PRKAG2: variants seen among roughly 807,000 people sequenced by gnomAD.
PRKAG2 encodes the protein 5'-AMP-activated protein kinase subunit gamma-2.
PRKAG2 carries 26 observed loss-of-function variants against 69.6 expected under a neutral mutation model. That is an observed-to-expected ratio of 0.37 (90% confidence interval 0.27 to 0.52). PRKAG2 has a LOEUF of 0.52. PRKAG2 is among the 20% of genes least tolerant of loss of function. The pLI is 0.90. For missense variants in PRKAG2, 557 were observed against 740.0 expected, an observed-to-expected ratio of 0.75 and a Z score of 2.87; for synonymous variants, 293 against 285.0, an observed-to-expected ratio of 1.03 and a Z score of -0.28.
intron 1 of PRKAG2, among the ~76,000 whole-genome samples, chr7:151,816,324 CTG>C (rs750060838): frequency 3.9e-5 from 6 of 152,112 alleles, no homozygotes; most frequent in Non-Finnish European, 5.9e-5. Flanking sequence ...TAAGCGGAAA[CTG>C]TTTTTTGTTT....
At chr7:151,754,855 C>T (rs2074969947) in intron 3 of PRKAG2, among the ~76,000 whole-genome samples, 1 of 152,128 alleles carries the variant, frequency 6.6e-6, no homozygotes, top group Non-Finnish European at 1.5e-5. Context: ...GCCTCCCTTC[C>T]TTCCGAAGGC....
At chr7:151,664,444 G>A (rs1830743986) in intron 4 of PRKAG2, among the ~76,000 whole-genome samples, 1 of 151,954 alleles carries the variant, frequency 6.6e-6, no homozygotes, top group African/African-American at 2.4e-5. Flanking sequence ...TCCCTGCCTG[G>A]GTCCCCCTCC....
intron 3 of PRKAG2, among the ~76,000 whole-genome samples, chr7:151,744,038 G>T (rs1008900116): frequency 6.6e-6 from 1 of 152,188 alleles, no homozygotes; most frequent in Non-Finnish European, 1.5e-5. Flanking sequence ...AGAGGTCAGG[G>T]GAACTGCAGA....
chr7:151,575,305 G>A (rs1042185021), intron 7 of PRKAG2, among the ~76,000 whole-genome samples: 2 of 152,178 alleles, frequency 1.3e-5, no homozygotes, highest in Admixed American at 1.3e-4. Flanking sequence ...CTTTAGAAAC[G>A]TGACAATTCT....
chr7:151,625,939 A>G (rs1822776537), intron 5 of PRKAG2, among the ~76,000 whole-genome samples: 1 of 152,138 alleles, frequency 6.6e-6, no homozygotes. Flanking sequence ...GGGGAATCGT[A>G]TGGGATGTGA....
At chr7:151,778,982 C>A (rs1043950336) in intron 3 of PRKAG2, among the ~76,000 whole-genome samples, 4 of 150,018 alleles carry the variant, frequency 2.7e-5, no homozygotes, top group Non-Finnish European at 4.4e-5. Context: ...ACACACACAC[C>A]CATATATGCT....
At chr7:151,790,528 C>T (rs1451430157) in intron 1 of PRKAG2, 1 of 152,218 alleles carries the variant, frequency 6.6e-6, no homozygotes. Context: ...ATACTGTACC[C>T]GGCAGGCAGC....
intron 1 of PRKAG2, among the ~76,000 whole-genome samples, chr7:151,832,166 C>A (rs947770753): frequency 1.1e-4 from 17 of 150,528 alleles, no homozygotes; most frequent in African/African-American, 4.1e-4. Flanking sequence ...ATTGAATTTC[C>A]CCCCAACCCA....
chr7:151,784,419 C>T (rs1229393110), intron 2 of PRKAG2, among the ~76,000 whole-genome samples: 2 of 152,136 alleles, frequency 1.3e-5, no homozygotes, highest in South Asian at 2.1e-4. Flanking sequence ...CCCACAAGGC[C>T]GAAGCACCAT....
chr7:151,781,581 T>C lies in PRKAG2; in HGVS notation c.187-150A>G. 2.9e-6 allele frequency: 3 copies of C among 1,045,888 alleles called. No individual in the cohort carries two copies. The highest frequency in any genetic ancestry group is 2.6e-5 in the East Asian group (1 of 38,336). 64.8% of individuals were successfully genotyped at this position (1,045,888 alleles called of 1,614,324 possible). On this transcript the variant is annotated intron_variant, in intron 2 of 15. Transcript: ENST00000287878. This position sits in a 1 kb window ranked among gnomAD's most constrained non-coding sequence, Gnocchi z 6.1. ...ACAGCCCTAAGCTCTTCCACAGAGG[T>C]AGCCACTGAATGGTCTGCAGGTAGC...
intron 1 of PRKAG2, among the ~76,000 whole-genome samples, chr7:151,821,259 G>T (rs913893459): frequency 6.6e-6 from 1 of 152,256 alleles, no homozygotes; most frequent in Admixed American, 6.5e-5. Context: ...CTTGCATTTT[G>T]TAAGGCCCCA....
At chr7:151,728,681 G>C (rs1175661586) in intron 3 of PRKAG2, among the ~76,000 whole-genome samples, 1 of 152,170 alleles carries the variant, frequency 6.6e-6, no homozygotes, top group Admixed American at 6.5e-5. Context: ...TGTTTGTCCA[G>C]TGTTCAGCTT....
At chr7:151,746,615 C>G (rs2074296498) in intron 3 of PRKAG2, among the ~76,000 whole-genome samples, 1 of 152,268 alleles carries the variant, frequency 6.6e-6, no homozygotes, top group Admixed American at 6.5e-5. Flanking sequence ...AGGAGCTCCA[C>G]TAGCTCAGGC....
chr7:151,774,972 A>G (rs1331717284), intron 3 of PRKAG2, among the ~76,000 whole-genome samples: 2 of 152,236 alleles, frequency 1.3e-5, no homozygotes, highest in African/African-American at 2.4e-5. Context: ...AGAAGTGGGC[A>G]TTACCTTGAG....
In PRKAG2 at chr7:151,807,172, C is replaced by CAGTA. The variant is rs2078154340; in HGVS notation, c.115-20632_115-20631insTACT. ...GGCGGTGGTCACATGACTGTGCACA[C>CAGTA]TTACGACAACCCATCTAATTGTATA... is the stretch of plus-strand genomic sequence containing the variant. On this transcript the variant is annotated intron_variant, in intron 1 of 15. Transcript: ENST00000287878. The surrounding 1 kb of genome is among the most constrained non-coding windows in gnomAD (Gnocchi z 4.4). The CAGTA allele has an allele frequency of 2.7e-6, 1 of 368,520 alleles. No individual in the cohort carries two copies. The highest frequency in any genetic ancestry group is 2.1e-5 in the African/African-American group (1 of 47,130). 22.8% of individuals were successfully genotyped at this position (368,520 alleles called of 1,614,324 possible).
intron 6 of PRKAG2, among the ~76,000 whole-genome samples, chr7:151,580,324 G>A (rs1391957233): frequency 6.6e-6 from 1 of 152,110 alleles, no homozygotes; most frequent in Non-Finnish European, 1.5e-5. Context: ...TCCAGCCTGG[G>A]TGACAGAGTG....
rs550535047 is a variant in PRKAG2, at chr7:151,876,343, C to A, written c.114+164G>T. Among the ~76,000 whole-genome samples, 16 of 152,174 alleles carry A rather than the reference C, an allele frequency of 1.1e-4. No individual in the cohort carries two copies. The South Asian group carries it at 2.7e-3, about 26-fold the overall frequency. Reference sequence around the variant, plus strand: ...AGAGAGAGATTGAGCCCCGGCTCCGCCAGCCCAGCTCGGGCCCTGTCCCTC... The same window carrying A: ...AGAGAGAGATTGAGCCCCGGCTCCGACAGCCCAGCTCGGGCCCTGTCCCTC... On this transcript the variant is annotated intron_variant, in intron 1 of 15. Coordinates refer to ENST00000287878, the MANE Select transcript of PRKAG2 (RefSeq NM_016203.4).
intron 3 of PRKAG2, among the ~76,000 whole-genome samples, chr7:151,727,538 G>A (rs947542988): frequency 9.9e-5 from 15 of 152,214 alleles, no homozygotes; most frequent in African/African-American, 2.4e-4. Context: ...GCTGGCGCAC[G>A]GGTGCCTGCC....
At position 151,562,021 on chromosome 7, in the gene PRKAG2, C is replaced by T. The variant is rs1027162851; in HGVS notation, c.1585-1404G>A. Among the ~76,000 whole-genome samples the T allele has an allele frequency of 4.0e-5, 6 of 150,210 alleles. No homozygotes were observed. The East Asian group carries it at 5.9e-4, about 15-fold the overall frequency. ...CAGCACTTTGGGAGGCTGAGGTGGG[C>T]GGATCACAAGATCAAGTGCTCGAGA... On this transcript the variant is annotated intron_variant, in intron 14 of 15. Transcript: ENST00000287878.
Sources: gnomAD v4.1 joint callset for allele counts (sites outside exome capture counted in the v4.1 genomes callset) on GRCh38, gnomAD v4.1.1 for gene constraint, Gnocchi (gnomAD v3.1) non-coding constraint, MANE v1.5 for transcripts, NCBI Gene and HGNC (gene_info 2026-07-23, HGNC 2026-07-21) for gene names.